PABPC4L: variants seen among roughly 807,000 people sequenced by gnomAD.
The protein encoded by PABPC4L is polyadenylate-binding protein 4-like.
For synonymous variants in PABPC4L, 169 were observed against 164.1 expected (o/e 1.03, Z -0.23); for missense variants, 452 against 451.4 (o/e 1.00, Z -0.01).
chr4:134,061,926 T>G, the PABPC4L span, among the ~76,000 whole-genome samples: 1 of 151,878 alleles, frequency 6.6e-6, no homozygotes, highest in Non-Finnish European at 1.5e-5. Context: ...TTTAAGCAAT[T>G]TTTAATTATA....
At chr4:134,082,651 T>A in the PABPC4L span, among the ~76,000 whole-genome samples, 1 of 151,386 alleles carries the variant, frequency 6.6e-6, no homozygotes, top group African/African-American at 2.4e-5. Flanking sequence ...ATATGGAGAG[T>A]CTCCTTGCTG....
chr4:133,994,726 G>A, the PABPC4L span, among the ~76,000 whole-genome samples: 44 of 152,044 alleles, frequency 2.9e-4, no homozygotes, highest in African/African-American at 8.7e-4. Context: ...TCCCTTTCCC[G>A]TTTCCTTTCC....
At chr4:134,057,533 T>C in the PABPC4L span, among the ~76,000 whole-genome samples, 1 of 152,002 alleles carries the variant, frequency 6.6e-6, no homozygotes, top group Non-Finnish European at 1.5e-5. Context: ...CCACATGATC[T>C]CCATTGGCAC....
the PABPC4L span, among the ~76,000 whole-genome samples, chr4:134,087,692 C>T: frequency 6.6e-6 from 1 of 152,138 alleles, no homozygotes; most frequent in Non-Finnish European, 1.5e-5. Flanking sequence ...AGTCCTTACC[C>T]AAGTCCTTTC....
At chr4:134,079,910 A>T in the PABPC4L span, among the ~76,000 whole-genome samples, 1 of 152,118 alleles carries the variant, frequency 6.6e-6, no homozygotes, top group South Asian at 2.1e-4. Flanking sequence ...TATATAGTTT[A>T]AAAAAATTTT....
At chr4:134,167,651 G>T in the PABPC4L span, among the ~76,000 whole-genome samples, 1 of 151,260 alleles carries the variant, frequency 6.6e-6, no homozygotes, top group Non-Finnish European at 1.5e-5. Context: ...TATATCACAA[G>T]AAATAGACTT....
chr4:134,092,520 G>A, the PABPC4L span, among the ~76,000 whole-genome samples: 1 of 152,020 alleles, frequency 6.6e-6, no homozygotes, highest in Non-Finnish European at 1.5e-5. Context: ...CAAGAGGGTA[G>A]GGTATATATC....
At chr4:134,166,166 A>C in the PABPC4L span, among the ~76,000 whole-genome samples, 2 of 152,126 alleles carry the variant, frequency 1.3e-5, no homozygotes, top group African/African-American at 2.4e-5. Flanking sequence ...AAAAACCTAC[A>C]TATTGGATAC....
At chr4:134,130,389 C>T in the PABPC4L span, among the ~76,000 whole-genome samples, 1 of 151,992 alleles carries the variant, frequency 6.6e-6, no homozygotes, top group South Asian at 2.1e-4. Context: ...TCATTCAAGG[C>T]TATTATGAAT....
chr4:133,984,735 T>C, the PABPC4L span, among the ~76,000 whole-genome samples: 2 of 151,896 alleles, frequency 1.3e-5, no homozygotes, highest in African/African-American at 4.8e-5. Context: ...GAATATTACA[T>C]ATTTAGCCCT....
At chr4:133,989,885 A>G in the PABPC4L span, among the ~76,000 whole-genome samples, 1,607 of 152,314 alleles carry the variant, frequency 0.011, 12 homozygotes, top group Non-Finnish European at 0.017. Context: ...GCTTACAATC[A>G]TGGCAGGAGA....
the PABPC4L span, among the ~76,000 whole-genome samples, chr4:134,071,456 A>C: frequency 1.3e-5 from 2 of 152,140 alleles, no homozygotes; most frequent in Admixed American, 1.3e-4. Context: ...GAGAACTTTG[A>C]TCAATATCCA....
At chr4:134,159,431 C>G in the PABPC4L span, among the ~76,000 whole-genome samples, 1 of 152,104 alleles carries the variant, frequency 6.6e-6, no homozygotes, top group African/African-American at 2.4e-5. Context: ...TCTTACATTG[C>G]CTACAGGACC....
the PABPC4L span, among the ~76,000 whole-genome samples, chr4:134,061,186 A>G: frequency 6.6e-6 from 1 of 152,046 alleles, no homozygotes; most frequent in Admixed American, 6.6e-5. Context: ...TAGCTCATGT[A>G]ACACATCAAT....
the PABPC4L span, among the ~76,000 whole-genome samples, chr4:134,095,393 C>A: frequency 3.3e-3 from 503 of 151,944 alleles, 4 homozygotes; most frequent in African/African-American, 9.4e-3. Context: ...TAAACAAATG[C>A]ATGTTTATAT....
the PABPC4L span, among the ~76,000 whole-genome samples, chr4:133,970,378 A>G: frequency 6.6e-6 from 1 of 152,014 alleles, no homozygotes; most frequent in Non-Finnish European, 1.5e-5. Context: ...TCCCTAAGCA[A>G]TCTCATCCAC....
chr4:133,957,122 A>T, the PABPC4L span, among the ~76,000 whole-genome samples: 1 of 152,176 alleles, frequency 6.6e-6, no homozygotes, highest in Non-Finnish European at 1.5e-5. Context: ...TTAAACCAAA[A>T]GTCAAAGTCC....
chr4:134,045,926 A>G, the PABPC4L span, among the ~76,000 whole-genome samples: 2 of 152,130 alleles, frequency 1.3e-5, no homozygotes, highest in East Asian at 3.9e-4. Context: ...AAGTTACCCC[A>G]TTACCATTTT....
the PABPC4L span, among the ~76,000 whole-genome samples, chr4:134,096,575 G>A: frequency 6.6e-6 from 1 of 151,814 alleles, no homozygotes; most frequent in African/African-American, 2.4e-5. Flanking sequence ...GCTTAAGTCA[G>A]GAAATTAGGG....
Sources: allele counts gnomAD v4.1 joint callset (sites outside exome capture counted in the v4.1 genomes callset), GRCh38; gene constraint gnomAD v4.1.1; transcripts MANE v1.5; gene names NCBI Gene and HGNC (gene_info 2026-07-23, HGNC 2026-07-21).